ATM: variants seen among roughly 807,000 people sequenced by gnomAD.
ATM encodes the protein ATM serine/threonine kinase, also known as serine-protein kinase ATM.
Under a neutral mutation model 387.0 loss-of-function variants are expected in ATM, and 308 were observed. The observed-to-expected ratio is 0.80, with a 90% CI of 0.73 to 0.87. The LOEUF is 0.87. ATM is among the 40% of genes least tolerant of loss of function. The pLI, the probability that ATM is intolerant of heterozygous loss-of-function variation, is 0.00. For synonymous variants in ATM, 1,156 were observed against 1,187.3 expected, an observed-to-expected ratio of 0.97 and a Z score of 0.54; for missense variants, 3,312 against 3,560.9, an observed-to-expected ratio of 0.93 and a Z score of 1.78.
rs2086540615 is a variant in ATM, at chr11:108,333,868, C to G, written c.7928-18C>G. On this transcript the variant is annotated intron_variant, in intron 53 of 62. Transcript: ENST00000675843. ...GTTCCTCAGTTTGTCACTAAAATCTCTTCATTTTTAAATACAGAAGGCATA... is the reference window on the plus strand; with the variant it reads ...GTTCCTCAGTTTGTCACTAAAATCTGTTCATTTTTAAATACAGAAGGCATA... 2.5e-6 allele frequency: 4 copies of G among 1,575,742 alleles called. No individual in the cohort carries two copies. The highest frequency in any genetic ancestry group is 3.5e-6 in the Non-Finnish European group (4 of 1,145,254).
At chr11:108,294,511 G>A (rs1421000519) in intron 31 of ATM, among the ~76,000 whole-genome samples, 3 of 152,160 alleles carry the variant, frequency 2.0e-5, no homozygotes, top group Non-Finnish European at 2.9e-5. Flanking sequence ...AGGCTAAGGC[G>A]GGCAGATCAT....
At chr11:108,365,015 C>T (rs2137859231) in intron 61 of ATM, 67 bp from the exon 62 acceptor site, 1 of 1,560,804 alleles carries the variant, frequency 6.4e-7, no homozygotes, top group Non-Finnish European at 8.8e-7. Flanking sequence ...GATACTGGTT[C>T]TACTGTTTCT....
At chr11:108,267,035 A>G in intron 16 of ATM, 136 bp from the exon 17 acceptor site, 1 of 816,908 alleles carries the variant, frequency 1.2e-6, no homozygotes, top group Admixed American at 2.0e-5. Context: ...ACCTCAGGTG[A>G]TCCACCTGGC....
rs1057521618 is a variant in ATM at position 108,247,114 on chromosome 11, A to T, written c.1052A>T (p.Asp351Val). The change falls in exon 8 of 63, where the codon GAT (aspartate) becomes GTT (valine). Residue 351 changes from aspartate to valine, a missense_variant. Asp to Val is a radical substitution (Grantham distance 152). Transcript: ENST00000675843. ...GAAAATTTGATTGAATTGATGGCAG[A>T]TATCTGTCACCAGGTACAGTAAGTA... ...VKENLIELMA[D>V]ICHQVFNEDT... is the part of the protein sequence containing the mutation. 2 of 1,613,826 alleles carry T rather than the reference A, an allele frequency of 1.2e-6. No individual in the cohort carries two copies. Among genetic ancestry groups the T allele is most frequent in the Non-Finnish European group, 1.7e-6 (2 of 1,179,848 alleles).
Position 108,312,621 on chromosome 11 carries a change from CAT to C in ATM, c.6006+131_6006+132del, listed in dbSNP as rs1028818983. 10 of 702,994 alleles carry C rather than the reference CAT, an allele frequency of 1.4e-5. No individual in the cohort carries two copies. In the African/African-American group the frequency reaches 1.8e-4, roughly 13 times the overall value. The allele number at this position is 702,994 out of a possible 1,614,324, so 43.5% of individuals were successfully genotyped here. ...TGAATTTACTTACTGGACTAAGCAT[CAT>C]ATATATAAAATTATGGTCTGAAGCT... On this transcript the variant is annotated intron_variant, in intron 40 of 62. Coordinates refer to ENST00000675843, the MANE Select transcript of ATM (RefSeq NM_000051.4).
intron 39 of ATM, 120 bp from the exon 40 acceptor site, chr11:108,312,291 A>C: frequency 2.7e-6 from 2 of 753,930 alleles, no homozygotes; most frequent in Non-Finnish European, 4.7e-6. Context: ...AGTATAAGTG[A>C]TTTATTCTGT....
chr11:108,251,491 A>G lies in ATM; in HGVS notation c.1608-346A>G, dbSNP rs552385177. Reference sequence around the variant, plus strand: ...GGAAATGTACAATAGATTAATGTTAACCGTAGTCACCCTACTGATGTATCG... The same window carrying G: ...GGAAATGTACAATAGATTAATGTTAGCCGTAGTCACCCTACTGATGTATCG... On this transcript the variant is annotated intron_variant, in intron 10 of 62. Coordinates refer to ENST00000675843, the MANE Select transcript of ATM (RefSeq NM_000051.4). Among the ~76,000 whole-genome samples, 5 of 152,246 alleles carry G rather than the reference A, an allele frequency of 3.3e-5. No individual in the cohort carries two copies. In the South Asian group the frequency reaches 1.0e-3, roughly 32 times the overall value.
At chr11:108,352,892 A>G (rs2089383235) in intron 59 of ATM, among the ~76,000 whole-genome samples, 1 of 152,202 alleles carries the variant, frequency 6.6e-6, no homozygotes, top group African/African-American at 2.4e-5. Context: ...TGGAGAACAG[A>G]TTAGTGGCTG....
rs1017383703 is a variant in ATM, at chr11:108,256,326, T to C, written c.2236T>C (p.Phe746Leu). 6.2e-6 allele frequency: 10 copies of C among 1,610,416 alleles called. No homozygotes were observed. The highest frequency in any genetic ancestry group is 8.5e-6 in the Non-Finnish European group (10 of 1,177,684). The change falls in exon 14 of 63, where the codon TTC (phenylalanine) becomes CTC (leucine). Residue 746 changes from phenylalanine to leucine, a missense_variant. Phe to Leu is a conservative substitution (Grantham distance 22, BLOSUM62 0). Transcript: ENST00000675843. ...AEEEAYKSEL[F>L]QKAKSLMQCA... The stretch of plus-strand genomic sequence containing the variant: ...AGAGGAAGCATATAAGTCAGAATTA[T>C]TCCAGAAAGCCAAGGTAGGAGAATT...
At chr11:108,237,148 A>G (rs2079319337) in intron 5 of ATM, among the ~76,000 whole-genome samples, 1 of 152,202 alleles carries the variant, frequency 6.6e-6, no homozygotes, top group Non-Finnish European at 1.5e-5. Flanking sequence ...TTCCCCTGAG[A>G]ATAAATGCCT....
At chr11:108,320,855 T>A (rs534134534) in intron 44 of ATM, among the ~76,000 whole-genome samples, 1 of 152,324 alleles carries the variant, frequency 6.6e-6, no homozygotes, top group East Asian at 1.9e-4. Context: ...ACCAATAACA[T>A]AAGCAGTAGA....
chr11:108,257,458 AT>A lies in ATM; in HGVS notation c.2251-18del, dbSNP rs730881284. On this transcript the variant is annotated intron_variant, in intron 14 of 62. Coordinates refer to ENST00000675843, the MANE Select transcript of ATM (RefSeq NM_000051.4). ...AACTATAATTTTAACTGGAATTTGC[AT>A]TTTTCCTTCTATTCACAATAGTCTC... is the stretch of plus-strand genomic sequence containing the variant. 3.7e-6 allele frequency: 6 copies of A among 1,610,506 alleles called. No individual in the cohort carries two copies. Among genetic ancestry groups the A allele is most frequent in the Non-Finnish European group, 5.1e-6 (6 of 1,179,282 alleles).
chr11:108,326,070 G>A lies in ATM; in HGVS notation c.6820G>A (p.Ala2274Thr), dbSNP rs567060474. 1.4e-4 allele frequency: 223 copies of A among 1,613,998 alleles called. No homozygotes were observed. Among genetic ancestry groups the A allele is most frequent in the Non-Finnish European group, 1.8e-4 (215 of 1,179,974 alleles). The change falls in exon 47 of 63, where the codon GCA (alanine) becomes ACA (threonine). Residue 2274 changes from alanine (A) to threonine (T), a missense_variant. This residue lies in a region of ATM where 1,405 missense variants were observed against 1,604.4 expected (regional missense o/e 0.88). Transcript: ENST00000675843. ...ATTTTCATTTCAGCTCCCTGAAAGG[G>A]CAATATTTCAAATTAAACAGTACAA... is the stretch of plus-strand genomic sequence containing the variant. ...TFKNTQLPER[A>T]IFQIKQYNSV...
Position 108,229,330 on chromosome 11 carries a change from G to A in ATM, c.331+7G>A, listed in dbSNP as rs1184757004. On this transcript the variant is annotated splice_region_variant and intron_variant, in intron 4 of 62. Coordinates refer to ENST00000675843, the MANE Select transcript of ATM (RefSeq NM_000051.4). ...ATCAAATGTGCAAACAGAAGTAAGT[G>A]ATGTTATAAATTATAAATAAATGGC... 19 of 1,605,202 alleles carry A rather than the reference G, an allele frequency of 1.2e-5. No homozygotes were observed. The highest frequency in any genetic ancestry group is 1.6e-5 in the Non-Finnish European group (19 of 1,175,284).
At chr11:108,325,802 C>G (rs2085617395) in intron 46 of ATM, among the ~76,000 whole-genome samples, 1 of 152,100 alleles carries the variant, frequency 6.6e-6, no homozygotes, top group Non-Finnish European at 1.5e-5. Context: ...ATATTGATAA[C>G]AATTCAGTGA....
At chr11:108,256,784 T>C (rs918860865) in intron 14 of ATM, among the ~76,000 whole-genome samples, 1 of 152,200 alleles carries the variant, frequency 6.6e-6, no homozygotes, top group Non-Finnish European at 1.5e-5. Flanking sequence ...TTTCTGTTCT[T>C]GTGTTAGTTT....
At chr11:108,289,252 G>C in intron 28 of ATM, 149 bp downstream of exon 28, 1 of 906,230 alleles carries the variant, frequency 1.1e-6, no homozygotes, top group Non-Finnish European at 1.6e-6. Context: ...AGTTTAAATG[G>C]TATTTTACTT....
At chr11:108,277,238 GTC>G in intron 22 of ATM, among the ~76,000 whole-genome samples, 1 of 152,224 alleles carries the variant, frequency 6.6e-6, no homozygotes, top group South Asian at 2.1e-4. Context: ...AGTGTCCCAG[GTC>G]GACTTCAGAC....
intron 54 of ATM, among the ~76,000 whole-genome samples, chr11:108,334,747 T>C (rs1343984824): frequency 6.6e-6 from 1 of 152,240 alleles, no homozygotes; most frequent in Non-Finnish European, 1.5e-5. Flanking sequence ...TGAGGAGTTA[T>C]TTCTCAGATG....
Sources: gnomAD v4.1 joint callset for allele counts (sites outside exome capture counted in the v4.1 genomes callset) on GRCh38, gnomAD v4.1.1 for gene constraint, gnomAD v4.1.1 regional missense constraint, MANE v1.5 for transcripts, NCBI Gene and HGNC (gene_info 2026-07-23, HGNC 2026-07-21) for gene names.